The following PTPRM variants were observed in gnomAD, a reference collection of about 807,000 sequenced individuals.
PTPRM encodes the protein protein tyrosine phosphatase receptor type M.
A neutral mutation model predicts 186.7 loss-of-function variants in PTPRM; 47 were observed. The observed-to-expected ratio is 0.25, with a 90% CI of 0.20 to 0.32. PTPRM has a LOEUF of 0.32. Among genes scored for constraint, PTPRM ranks in the 10% least tolerant of loss-of-function variants. The probability of loss-of-function intolerance (pLI) is 1.00; values close to 1 mark genes in which losing one functional copy is unlikely to be tolerated. For missense variants in PTPRM, 1,494 were observed against 1,865.0 expected (o/e 0.80, Z 3.66); for synonymous variants, 668 against 674.9 (o/e 0.99, Z 0.16).
chr18:8,048,430 G>C (rs2087225588), intron 7 of PTPRM, among the ~76,000 whole-genome samples: 2 of 151,696 alleles, frequency 1.3e-5, no homozygotes, highest in Non-Finnish European at 2.9e-5. Context: ...CCAGTTGTCA[G>C]TGGGGTGCTG....
rs990397990 is a variant in PTPRM at position 8,296,423 on chromosome 18, G to A, written c.2810G>A (p.Arg937Lys). Residue 937 changes from arginine to lysine, a missense_variant, in exon 20 of 33, where the codon AGA becomes AAA. Physicochemically the swap from Arg to Lys is conservative, Grantham distance 26 (BLOSUM62 2). Transcript: ENST00000580170. ...PWDSAKKDEN[R>K]MKNRYGNIIA... The stretch of plus-strand genomic sequence containing the variant: ...GACTCGGCTAAGAAAGATGAGAACA[G>A]AATGAAGAACAGATACGGGAATATC... 10 of 1,610,616 alleles carry A rather than the reference G, an allele frequency of 6.2e-6. No homozygotes were observed. Among genetic ancestry groups the A allele is most frequent in the Non-Finnish European group, 8.5e-6 (10 of 1,177,010 alleles).
Position 7,879,855 on chromosome 18 carries a change from A to G in PTPRM, c.197-8251A>G, listed in dbSNP as rs73379922. On this transcript the variant is annotated intron_variant, in intron 2 of 32. Transcript: ENST00000580170. ...GCTGTCCCTGGTGAGGGAGTGTATTAGTCCATTCTCACACTGCTATGAAGA... is the reference window on the plus strand; with the variant it reads ...GCTGTCCCTGGTGAGGGAGTGTATTGGTCCATTCTCACACTGCTATGAAGA... Among the ~76,000 whole-genome samples the G allele has an allele frequency of 5.8e-3, 889 of 152,302 alleles. 8 individuals are homozygous for G. Among genetic ancestry groups the G allele is most frequent in the African/African-American group, 0.02 (839 of 41,556 alleles).
chr18:8,257,580 A>G (rs1271330752), intron 19 of PTPRM, among the ~76,000 whole-genome samples: 5 of 152,218 alleles, frequency 3.3e-5, no homozygotes, highest in African/African-American at 4.8e-5. Context: ...CTGTTGTTCT[A>G]TCTCTATTCA....
At chr18:7,835,232 C>T in intron 2 of PTPRM, among the ~76,000 whole-genome samples, 2 of 140,760 alleles carry the variant, frequency 1.4e-5, no homozygotes, top group Non-Finnish European at 3.1e-5. Flanking sequence ...TCTAAACTTT[C>T]CTCTTAATAG....
intron 1 of PTPRM, among the ~76,000 whole-genome samples, chr18:7,583,191 A>G (rs1255067009): frequency 6.6e-6 from 1 of 152,196 alleles, no homozygotes; most frequent in Non-Finnish European, 1.5e-5. Flanking sequence ...TGATTCATAA[A>G]TTTGCTACCA....
chr18:8,092,142 T>C (rs1350365701), intron 11 of PTPRM, among the ~76,000 whole-genome samples: 2 of 152,212 alleles, frequency 1.3e-5, no homozygotes, highest in Admixed American at 6.5e-5. Context: ...GGTGGTCATG[T>C]ATTGATTTCC....
chr18:7,759,916 A>G (rs1464137210), intron 1 of PTPRM, among the ~76,000 whole-genome samples: 1 of 152,228 alleles, frequency 6.6e-6, no homozygotes, highest in Admixed American at 6.5e-5. Context: ...GGTGTTCTTC[A>G]GTGATCTTTT....
At chr18:7,609,988 G>A (rs192498033) in intron 1 of PTPRM, among the ~76,000 whole-genome samples, 2 of 152,166 alleles carry the variant, frequency 1.3e-5, no homozygotes. Context: ...TTAGTAGTGG[G>A]AATTGGAAGG....
chr18:7,772,407 C>CT (rs1239694880), intron 1 of PTPRM, among the ~76,000 whole-genome samples: 40 of 102,440 alleles, frequency 3.9e-4, no homozygotes, highest in African/African-American at 1.4e-3. Context: ...TTCTTTCTTT[C>CT]TTTCTTTTCT....
intron 14 of PTPRM, among the ~76,000 whole-genome samples, chr18:8,173,727 T>TGG (rs1180940548): frequency 6.6e-6 from 1 of 152,172 alleles, no homozygotes; most frequent in Non-Finnish European, 1.5e-5. Context: ...TGGGTCTGTG[T>TGG]GGGGCATGGG....
chr18:7,917,306 G>A (rs1217092293), intron 4 of PTPRM, among the ~76,000 whole-genome samples: 1 of 152,216 alleles, frequency 6.6e-6, no homozygotes, highest in Non-Finnish European at 1.5e-5. Context: ...GGCCAAGGCA[G>A]GCGGATCACG....
intron 1 of PTPRM, among the ~76,000 whole-genome samples, chr18:7,725,098 CACATCTAAATGATGG>C (rs1028011082): frequency 2.0e-5 from 3 of 152,112 alleles, no homozygotes; most frequent in Non-Finnish European, 2.9e-5. Context: ...GGTTATTCAC[CACATCTAAATGATGG>C]ACATCTAAAT....
intron 1 of PTPRM, among the ~76,000 whole-genome samples, chr18:7,677,988 G>A (rs150104763): frequency 1.8e-4 from 27 of 152,134 alleles, no homozygotes; most frequent in African/African-American, 5.3e-4. Context: ...GTCGTACTCC[G>A]GGCACCTGAG....
At chr18:8,231,052 A>G (rs2094280238) in intron 14 of PTPRM, among the ~76,000 whole-genome samples, 1 of 152,164 alleles carries the variant, frequency 6.6e-6, no homozygotes, top group African/African-American at 2.4e-5. Context: ...TTACCCTTTC[A>G]TTCTTAGTTT....
intron 14 of PTPRM, among the ~76,000 whole-genome samples, chr18:8,204,962 G>T (rs2093908291): frequency 6.6e-6 from 1 of 151,706 alleles, no homozygotes; most frequent in South Asian, 2.1e-4. Flanking sequence ...GACATGAAAT[G>T]ATATTTTACT....
At position 7,677,632 on chromosome 18, in the gene PTPRM, T is replaced by A. The variant is rs146418831; in HGVS notation, c.74-96517T>A. 1.8e-4 allele frequency among the ~76,000 whole-genome samples: 27 copies of A among 152,234 alleles called. No homozygotes were observed. The East Asian group carries it at 4.8e-3, about 27-fold the overall frequency. Reference sequence around the variant, plus strand: ...AGGTGTCTGGGCTCATTTCCCTGAGTGGCATGGAGAGCCTTCTTCCATGAT... The same window carrying A: ...AGGTGTCTGGGCTCATTTCCCTGAGAGGCATGGAGAGCCTTCTTCCATGAT... On this transcript the variant is annotated intron_variant, in intron 1 of 32. Transcript: ENST00000580170.
chr18:8,185,298 T>C (rs1375276712), intron 14 of PTPRM, among the ~76,000 whole-genome samples: 1 of 152,220 alleles, frequency 6.6e-6, no homozygotes, highest in Non-Finnish European at 1.5e-5. Context: ...CTGGGTATTC[T>C]TGCACCCTGT....
At chr18:7,669,337 T>G (rs1568017663) in intron 1 of PTPRM, among the ~76,000 whole-genome samples, 1 of 151,306 alleles carries the variant, frequency 6.6e-6, no homozygotes, top group Non-Finnish European at 1.5e-5. Context: ...ACATGTGGCT[T>G]GGGTGTTGAG....
intron 21 of PTPRM, among the ~76,000 whole-genome samples, chr18:8,317,965 T>C (rs1486872304): frequency 1.3e-5 from 2 of 152,170 alleles, no homozygotes; most frequent in African/African-American, 4.8e-5. Flanking sequence ...TTAATATTGG[T>C]CATGGCTCTA....
Sources: gnomAD v4.1 joint callset for allele counts (sites outside exome capture counted in the v4.1 genomes callset) on GRCh38, gnomAD v4.1.1 for gene constraint, MANE v1.5 for transcripts, NCBI Gene and HGNC (gene_info 2026-07-23, HGNC 2026-07-21) for gene names.